Variants in MAPK4 observed in about 807,000 individuals in gnomAD.
MAPK4 encodes the protein Erk3-related.
A neutral mutation model predicts 47.7 loss-of-function variants in MAPK4; 22 were observed. That is an observed-to-expected ratio of 0.46 (90% CI 0.33 to 0.66). The LOEUF is 0.66. Among genes scored for constraint, MAPK4 ranks in the 30% least tolerant of loss-of-function variants. MAPK4 has a pLI of 0.02. For missense variants in MAPK4, 736 were observed against 831.7 expected (o/e 0.88, Z 1.42); for synonymous variants, 390 against 365.7 (o/e 1.07, Z -0.76).
At chr18:50,592,797 G>T (rs1227699605) in intron 1 of MAPK4, among the ~76,000 whole-genome samples, 1 of 152,212 alleles carries the variant, frequency 6.6e-6, no homozygotes, top group Non-Finnish European at 1.5e-5. Flanking sequence ...CTTAGGGGCT[G>T]TGTAGTCCAA....
chr18:50,672,417 C>A (rs1177879449), intron 2 of MAPK4, among the ~76,000 whole-genome samples: 1 of 152,152 alleles, frequency 6.6e-6, no homozygotes, highest in East Asian at 1.9e-4. Context: ...AAAATATGAT[C>A]AAGGGGATTA....
At position 50,567,076 on chromosome 18, in the gene MAPK4, A is replaced by T. The variant is rs150443014; in HGVS notation, c.-871+6833A>T. On this transcript the variant is annotated intron_variant, in intron 1 of 5. Transcript: ENST00000400384. ...ACATAATTTTTTTTTGTCTTTCCACAATGTCAGAGTTTTATTGATGCTTTT... is the reference window on the plus strand; with the variant it reads ...ACATAATTTTTTTTTGTCTTTCCACTATGTCAGAGTTTTATTGATGCTTTT... Among the ~76,000 whole-genome samples, 194 of 151,896 alleles carry T rather than the reference A, an allele frequency of 1.3e-3. 1 individual carries two copies. Among genetic ancestry groups the T allele is most frequent in the African/African-American group, 4.4e-3 (181 of 41,446 alleles).
At chr18:50,574,465 G>A (rs138414810) in intron 1 of MAPK4, among the ~76,000 whole-genome samples, 2 of 152,302 alleles carry the variant, frequency 1.3e-5, no homozygotes, top group East Asian at 3.9e-4. Flanking sequence ...TGAGGAACCT[G>A]AAGATCAAAT....
Position 50,678,309 on chromosome 18 carries a change from G to T in MAPK4, c.546+13805G>T, listed in dbSNP as rs1036874738. 5.3e-5 allele frequency among the ~76,000 whole-genome samples: 8 copies of T among 152,160 alleles called. 1 individual carries two copies. Among genetic ancestry groups the T allele is most frequent in the Admixed American group, 5.2e-4 (8 of 15,278 alleles). ...ACTCAAAAGGAGACCAGAATACAGAGCCCCCTTAAATGTTGACACATTTGC... is the reference window on the plus strand; with the variant it reads ...ACTCAAAAGGAGACCAGAATACAGATCCCCCTTAAATGTTGACACATTTGC... On this transcript the variant is annotated intron_variant, in intron 2 of 5. Transcript: ENST00000400384. The surrounding 1 kb of genome is among the most constrained non-coding windows in gnomAD (Gnocchi z 4.2).
intron 1 of MAPK4, among the ~76,000 whole-genome samples, chr18:50,643,615 A>G (rs1347079373): frequency 3.3e-5 from 5 of 152,160 alleles, no homozygotes; most frequent in Admixed American, 1.3e-4. Flanking sequence ...CAGAACTGCC[A>G]CTTGAGGCTT....
At chr18:50,630,788 C>T (rs1457549775) in intron 1 of MAPK4, among the ~76,000 whole-genome samples, 1 of 152,186 alleles carries the variant, frequency 6.6e-6, no homozygotes, top group African/African-American at 2.4e-5. Flanking sequence ...CGCTGCCATC[C>T]CTCCAGTACA....
At chr18:50,649,822 G>A (rs963298383) in intron 1 of MAPK4, among the ~76,000 whole-genome samples, 5 of 152,164 alleles carry the variant, frequency 3.3e-5, no homozygotes, top group Admixed American at 6.5e-5. Context: ...TAAGGACCCC[G>A]GGTCATAGCA....
intron 2 of MAPK4, among the ~76,000 whole-genome samples, chr18:50,694,408 C>G (rs999617266): frequency 6.6e-6 from 1 of 152,168 alleles, no homozygotes; most frequent in Non-Finnish European, 1.5e-5. Context: ...CTCTCAAAGT[C>G]CTGCTGAGAG....
At chr18:50,659,421 C>T (rs779195970) in intron 1 of MAPK4, among the ~76,000 whole-genome samples, 2 of 152,116 alleles carry the variant, frequency 1.3e-5, no homozygotes, top group Non-Finnish European at 2.9e-5. Context: ...TGTGGAAAGT[C>T]GAAAGCATGA....
intron 1 of MAPK4, among the ~76,000 whole-genome samples, chr18:50,572,275 A>C (rs931580427): frequency 6.6e-6 from 1 of 152,186 alleles, no homozygotes; most frequent in African/African-American, 2.4e-5. Flanking sequence ...TACACTATGA[A>C]TGAGAATATA....
chr18:50,655,834 G>A (rs560178306), intron 1 of MAPK4, among the ~76,000 whole-genome samples: 368 of 152,196 alleles, frequency 2.4e-3, no homozygotes, highest in Non-Finnish European at 4.1e-3. Context: ...TGGGCCTCAG[G>A]GATGCTTTTT....
intron 2 of MAPK4, among the ~76,000 whole-genome samples, chr18:50,706,865 T>C (rs1336208402): frequency 6.6e-6 from 1 of 152,134 alleles, no homozygotes; most frequent in Non-Finnish European, 1.5e-5. Context: ...GAGCTGCCAG[T>C]CCTGGTACAT....
chr18:50,696,164 G>A (rs1041340576), intron 2 of MAPK4, among the ~76,000 whole-genome samples: 2 of 151,856 alleles, frequency 1.3e-5, no homozygotes, highest in South Asian at 2.1e-4. Context: ...CTGTGCTGGA[G>A]CTCCCAAGAG....
chr18:50,704,506 G>T lies in MAPK4; in HGVS notation c.547-10573G>T, dbSNP rs1598933142. ...CAAAAAAAAAGCAAGACAATCATGTGTGTCTCTCTCTTATTTCTCCTAGTC... is the reference window on the plus strand; with the variant it reads ...CAAAAAAAAAGCAAGACAATCATGTTTGTCTCTCTCTTATTTCTCCTAGTC... On this transcript the variant is annotated intron_variant, in intron 2 of 5. Transcript: ENST00000400384. 6 of 398,574 alleles carry T rather than the reference G, an allele frequency of 1.5e-5. No individual in the cohort carries two copies. The East Asian group carries it at 2.1e-4, about 14-fold the overall frequency. The allele number at this position is 398,574 out of a possible 1,614,324, so 24.7% of individuals were successfully genotyped here. A position where few individuals can be genotyped will look rare whatever the true frequency, so the allele number is the denominator to read the frequency against.
rs986380623 is a variant in MAPK4, at chr18:50,680,122, G to A, written c.546+15618G>A. Among the ~76,000 whole-genome samples, 9 of 104,796 alleles carry A rather than the reference G, an allele frequency of 8.6e-5. No homozygotes were observed. In the South Asian group the frequency reaches 9.1e-4, roughly 11 times the overall value. 68.8% of individuals were successfully genotyped at this position (104,796 alleles called of 152,430 possible). A position where few individuals can be genotyped will look rare whatever the true frequency, so the allele number is the denominator to read the frequency against. ...TTTTTTTTTTTTGAGACAGAGTTTC[G>A]CTCTTGTCGTCCAGGCTGGAGTATG... On this transcript the variant is annotated intron_variant, in intron 2 of 5. Coordinates refer to ENST00000400384, the MANE Select transcript of MAPK4 (RefSeq NM_002747.4).
chr18:50,604,750 C>T (rs1568042046), intron 1 of MAPK4, among the ~76,000 whole-genome samples: 4 of 152,206 alleles, frequency 2.6e-5, no homozygotes, highest in Non-Finnish European at 5.9e-5. Flanking sequence ...TATTTCACTG[C>T]GTTGCTGTGC....
In MAPK4 at chr18:50,729,663, CGCCCGGCCCCGGTGGACGGCGGCGCCA is replaced by C. The variant is rs556808142; in HGVS notation, c.1578_1604del (p.Ala527_Pro535del). On this transcript the variant is annotated inframe_deletion, in exon 6 of 6. Transcript: ENST00000400384. ...CCGCTTGTCTGCCTCGCCCCCCGGC[CGCCCGGCCCCGGTGGACGGCGGCGCCA>C]GCCCCCAGTTCGACCTGGACGTGTT... 5,639 of 1,523,978 alleles carry C rather than the reference CGCCCGGCCCCGGTGGACGGCGGCGCCA, an allele frequency of 3.7e-3. 12 individuals are homozygous for C. Among genetic ancestry groups the C allele is most frequent in the Non-Finnish European group, 4.4e-3 (5,011 of 1,133,628 alleles). 94.4% of individuals were successfully genotyped at this position (1,523,978 alleles called of 1,614,324 possible).
intron 1 of MAPK4, among the ~76,000 whole-genome samples, chr18:50,592,559 C>G (rs1234550558): frequency 1.3e-5 from 2 of 152,130 alleles, no homozygotes; most frequent in African/African-American, 4.8e-5. Flanking sequence ...TTCTTTCTGG[C>G]TTATTTTCTA....
chr18:50,718,649 C>T (rs1360076118), intron 3 of MAPK4, among the ~76,000 whole-genome samples: 9 of 152,202 alleles, frequency 5.9e-5, no homozygotes, highest in African/African-American at 2.2e-4. Context: ...TTATTCAGTG[C>T]TATGCTGGGC....
Sources: gnomAD v4.1 joint callset for allele counts (sites outside exome capture counted in the v4.1 genomes callset) on GRCh38, gnomAD v4.1.1 for gene constraint, Gnocchi (gnomAD v3.1) non-coding constraint, MANE v1.5 for transcripts, NCBI Gene and HGNC (gene_info 2026-07-23, HGNC 2026-07-21) for gene names.